Variants in IL23R observed in about 807,000 individuals in gnomAD.
The protein encoded by IL23R is interleukin 23 receptor, also known as interleukin-23 receptor.
IL23R carries 34 observed loss-of-function variants against 56.9 expected under a neutral mutation model. That is an observed-to-expected ratio of 0.60 (90% CI 0.45 to 0.80). The LOEUF (loss-of-function observed/expected upper bound fraction) is 0.80, where lower values mean the gene tolerates loss of function less well. Among genes scored for constraint, IL23R ranks in the 30% least tolerant of loss-of-function variants. The pLI is 0.00. For missense variants in IL23R, 635 were observed against 730.0 expected (o/e 0.87, Z 1.50); for synonymous variants, 230 against 249.2 (o/e 0.92, Z 0.73).
intron 9 of IL23R, among the ~76,000 whole-genome samples, chr1:67,248,989 G>A (rs933138262): frequency 6.6e-6 from 1 of 151,772 alleles, no homozygotes; most frequent in Admixed American, 6.6e-5. Flanking sequence ...TCCATGAGCT[G>A]TACCCACTAT....
At chr1:67,194,364 G>C (rs977076868) in intron 4 of IL23R, among the ~76,000 whole-genome samples, 3 of 152,110 alleles carry the variant, frequency 2.0e-5, no homozygotes, top group Admixed American at 1.3e-4. Flanking sequence ...CCTACCCTAA[G>C]CCTATCCAGG....
chr1:67,195,179 C>T (rs1389124861), intron 4 of IL23R, among the ~76,000 whole-genome samples: 5 of 152,080 alleles, frequency 3.3e-5, no homozygotes, highest in African/African-American at 1.2e-4. Context: ...AGGACAGGTG[C>T]CTGCCACCAC....
chr1:67,140,564 A>G (rs1646627435), intron 1 of IL23R, among the ~76,000 whole-genome samples: 1 of 152,164 alleles, frequency 6.6e-6, no homozygotes, highest in African/African-American at 2.4e-5. Context: ...AAAGATGCAC[A>G]TCTATGCTCT....
At chr1:67,193,874 C>G (rs906967764) in intron 4 of IL23R, among the ~76,000 whole-genome samples, 2 of 152,180 alleles carry the variant, frequency 1.3e-5, no homozygotes, top group East Asian at 3.8e-4. Flanking sequence ...CTCAGTCCCA[C>G]AAGACTCAAC....
At chr1:67,263,083 CGT>C (rs1417277283), downstream of IL23R, among the ~76,000 whole-genome samples, 9 of 142,442 alleles carry the variant, frequency 6.3e-5, no homozygotes, top group Non-Finnish European at 9.1e-5. Flanking sequence ...CGTGTGTGTG[CGT>C]GTGTGTGTTT....
Position 67,219,556 on chromosome 1 carries a change from G to A in IL23R, c.799-18G>A. 1 of 1,610,604 alleles carries A rather than the reference G, an allele frequency of 6.2e-7. No homozygotes were observed. The highest frequency in any genetic ancestry group is 8.5e-7 in the Non-Finnish European group (1 of 1,177,604). ...TAAAAGCACACCACATTTTATTATT[G>A]TTACCCATCCATTTTAGGTTAAAGA... On this transcript the variant is annotated intron_variant, in intron 6 of 10. Transcript: ENST00000347310.
chr1:67,185,686 G>T (rs536796557), intron 4 of IL23R, among the ~76,000 whole-genome samples: 1 of 152,158 alleles, frequency 6.6e-6, no homozygotes, highest in Non-Finnish European at 1.5e-5. Flanking sequence ...GAAAGTCCAC[G>T]TAGAAACTAG....
At chr1:67,151,787 T>C (rs1646730595) in intron 1 of IL23R, among the ~76,000 whole-genome samples, 1 of 152,196 alleles carries the variant, frequency 6.6e-6, no homozygotes, top group Non-Finnish European at 1.5e-5. Flanking sequence ...TTCTGAGGTC[T>C]CTGTTCTGTT....
At chr1:67,154,063 C>T (rs1171081726) in intron 1 of IL23R, among the ~76,000 whole-genome samples, 3 of 152,278 alleles carry the variant, frequency 2.0e-5, no homozygotes, top group African/African-American at 4.8e-5. Flanking sequence ...CCACTGCGCC[C>T]GGCCTTGAGT....
chr1:67,169,249 G>GAAAT, intron 2 of IL23R, 93 bp from the exon 3 acceptor site: 2 of 927,996 alleles, frequency 2.2e-6, no homozygotes, highest in Non-Finnish European at 3.3e-6. Flanking sequence ...TTAGTTAATA[G>GAAAT]AAATGATAAA....
chr1:67,174,385 G>C (rs964357167), intron 3 of IL23R, among the ~76,000 whole-genome samples: 1 of 151,346 alleles, frequency 6.6e-6, no homozygotes, highest in Middle Eastern at 3.4e-3. Flanking sequence ...TTGATTTGCA[G>C]TGAGAATAAA....
chr1:67,183,226 G>A (rs1244391821), intron 4 of IL23R, among the ~76,000 whole-genome samples: 7 of 152,188 alleles, frequency 4.6e-5, no homozygotes, highest in Admixed American at 4.6e-4. Context: ...TGGTGGTACA[G>A]CCTAGCACAG....
At chr1:67,191,589 C>T (rs1216615509) in intron 4 of IL23R, among the ~76,000 whole-genome samples, 4 of 152,134 alleles carry the variant, frequency 2.6e-5, no homozygotes, top group Middle Eastern at 3.2e-3. Context: ...CCTCTACCAC[C>T]CAATTTCTCT....
chr1:67,223,925 A>G (rs41396545), intron 7 of IL23R, among the ~76,000 whole-genome samples: 37,586 of 152,016 alleles, frequency 0.25, 5,266 homozygotes, highest in Non-Finnish European at 0.33. Flanking sequence ...TATTGCATCA[A>G]GAGTTAAGCA....
At chr1:67,159,382 G>A (rs1007266033) in intron 1 of IL23R, among the ~76,000 whole-genome samples, 8 of 151,964 alleles carry the variant, frequency 5.3e-5, no homozygotes, top group South Asian at 2.1e-4. Context: ...CTTCCCCTTC[G>A]TCTTCCATCA....
At chr1:67,234,667 A>C (rs1213437644) in intron 7 of IL23R, among the ~76,000 whole-genome samples, 1 of 151,748 alleles carries the variant, frequency 6.6e-6, no homozygotes, top group Admixed American at 6.6e-5. Flanking sequence ...GATTTTGCTA[A>C]ATTGAAAATT....
chr1:67,227,828 C>T (rs1450966938), intron 7 of IL23R, among the ~76,000 whole-genome samples: 2 of 152,176 alleles, frequency 1.3e-5, no homozygotes, highest in Non-Finnish European at 2.9e-5. Flanking sequence ...TTGGGTTTAA[C>T]TTTCTTCAGG....
At chr1:67,234,707 CTTTTTTTTT>C (rs5774860) in intron 7 of IL23R, among the ~76,000 whole-genome samples, 1 of 117,584 alleles carries the variant, frequency 8.5e-6, no homozygotes, top group African/African-American at 3.2e-5. Context: ...TATTTTTACT[CTTTTTTTTT>C]TTTTTTTTTG....
chr1:67,197,075 A>G (rs1391675274), intron 4 of IL23R, among the ~76,000 whole-genome samples: 1 of 152,206 alleles, frequency 6.6e-6, no homozygotes, highest in Admixed American at 6.5e-5. Flanking sequence ...GTCAGGGAAA[A>G]GGCAAACACC....
Sources: gnomAD v4.1 joint callset for allele counts (sites outside exome capture counted in the v4.1 genomes callset) on GRCh38, gnomAD v4.1.1 for gene constraint, MANE v1.5 for transcripts, NCBI Gene and HGNC (gene_info 2026-07-23, HGNC 2026-07-21) for gene names.